The following SPP2 variants were observed in gnomAD, a reference collection of about 807,000 sequenced individuals.
SPP2 encodes secreted phosphoprotein 24.
SPP2 carries 34 observed loss-of-function variants against 28.8 expected under a neutral mutation model. The ratio of observed to expected loss-of-function variants is 1.18; its 90% CI spans 0.90 to 1.57. The LOEUF (loss-of-function observed/expected upper bound fraction) is 1.57, where lower values mean the gene tolerates loss of function less well. SPP2 is among the 40% of genes most tolerant of loss of function. The pLI, the probability that SPP2 is intolerant of heterozygous loss-of-function variation, is 0.00. For synonymous variants in SPP2, 96 were observed against 89.4 expected, an observed-to-expected ratio of 1.07 and a Z score of -0.42; for missense variants, 269 against 263.9, an observed-to-expected ratio of 1.02 and a Z score of -0.13.
chr2:234,066,821 A>G (rs1446041854), intron 5 of SPP2, among the ~76,000 whole-genome samples: 3 of 152,262 alleles, frequency 2.0e-5, no homozygotes, highest in Non-Finnish European at 4.4e-5. Flanking sequence ...TTTTCCATAC[A>G]TAATTCCATT....
intron 7 of SPP2, among the ~76,000 whole-genome samples, chr2:234,073,433 T>G (rs912777548): frequency 2.0e-5 from 3 of 152,208 alleles, no homozygotes; most frequent in Admixed American, 2.0e-4. Flanking sequence ...GGAAGCTCTT[T>G]GAAGGCAGAG....
chr2:234,052,863 G>A (rs1693526572), intron 2 of SPP2, among the ~76,000 whole-genome samples: 1 of 151,962 alleles, frequency 6.6e-6, no homozygotes, highest in Non-Finnish European at 1.5e-5. Context: ...TTTTCTATTG[G>A]GAGTGTTTCA....
In SPP2 at chr2:234,069,999, A is replaced by G; in HGVS notation, c.622A>G (p.Thr208Ala). The change falls in exon 7 of 8, where the codon ACT (threonine) becomes GCT (alanine). Residue 208 changes from threonine (T) to alanine (A), a missense_variant. Transcript: ENST00000168148. The stretch of plus-strand genomic sequence containing the variant: ...CCACCGGCACAGAGCAAGAATAAAT[A>G]CTGACTTTGAGTAACGGCCTTGAGG... ...PNHRHRARIN[T>A]DFE is the part of the protein sequence containing the mutation. The G allele has an allele frequency of 6.2e-7, 1 of 1,613,384 alleles. No individual in the cohort carries two copies.
At chr2:234,054,006 C>T (rs1475874988) in intron 2 of SPP2, among the ~76,000 whole-genome samples, 1 of 152,078 alleles carries the variant, frequency 6.6e-6, no homozygotes, top group South Asian at 2.1e-4. Flanking sequence ...TGGAGAGTAC[C>T]GTAGAGGAGG....
intron 2 of SPP2, among the ~76,000 whole-genome samples, chr2:234,053,873 G>A (rs918075599): frequency 1.3e-5 from 2 of 152,046 alleles, no homozygotes; most frequent in Non-Finnish European, 2.9e-5. Context: ...GTAGGGCTGT[G>A]GTTTCATAGG....
intron 7 of SPP2, among the ~76,000 whole-genome samples, chr2:234,074,032 T>A (rs761218470): frequency 2.0e-5 from 3 of 152,182 alleles, no homozygotes; most frequent in African/African-American, 7.2e-5. Flanking sequence ...AACAATCAAA[T>A]GAAGTTTTAT....
At chr2:234,057,694 C>T (rs1574825166) in intron 2 of SPP2, among the ~76,000 whole-genome samples, 1 of 152,174 alleles carries the variant, frequency 6.6e-6, no homozygotes, top group African/African-American at 2.4e-5. Context: ...CATCAGAACT[C>T]CCCAGATTTG....
chr2:234,061,978 A>G (rs1039736608), intron 4 of SPP2, among the ~76,000 whole-genome samples: 4 of 152,224 alleles, frequency 2.6e-5, no homozygotes, highest in African/African-American at 7.2e-5. Flanking sequence ...TTAGGAAGTC[A>G]AATACATTCT....
chr2:234,062,745 C>A (rs1693745011), intron 4 of SPP2, among the ~76,000 whole-genome samples: 1 of 152,176 alleles, frequency 6.6e-6, no homozygotes, highest in African/African-American at 2.4e-5. Context: ...ACCTTTAACA[C>A]AAAATGAATT....
At position 234,050,862 on chromosome 2, in the gene SPP2, T is replaced by G; in HGVS notation, c.76T>G (p.Ser26Ala). 6.2e-7 allele frequency: 1 copy of G among 1,614,084 alleles called. No homozygotes were observed. Among genetic ancestry groups the G allele is most frequent in the Non-Finnish European group, 8.5e-7 (1 of 1,179,952 alleles). The change falls in exon 1 of 8, where the codon TCT (serine) becomes GCT (alanine). Residue 26 changes from serine (S) to alanine (A), a missense_variant. Physicochemically the swap from Ser to Ala is moderately conservative, Grantham distance 99. Transcript: ENST00000168148. ...IMFALGMNYWSCSGFPVYDYD... is the reference protein window; with the variant it reads ...IMFALGMNYWACSGFPVYDYD... The stretch of plus-strand genomic sequence containing the variant: ...GTTTGCTCTTGGAATGAACTACTGG[T>G]CTTGCTCAGGTAAGGTATTCACCAA...
chr2:234,056,598 T>A (rs1470565964), intron 2 of SPP2, among the ~76,000 whole-genome samples: 5 of 152,230 alleles, frequency 3.3e-5, no homozygotes, highest in Admixed American at 6.5e-5. Context: ...TCAGCTAAGC[T>A]TTTGTGTTGC....
At chr2:234,063,671 T>C (rs1203847967) in intron 4 of SPP2, among the ~76,000 whole-genome samples, 3 of 152,208 alleles carry the variant, frequency 2.0e-5, no homozygotes, top group Non-Finnish European at 2.9e-5. Flanking sequence ...TCACTCAACC[T>C]CGTACTGGTG....
In SPP2 at chr2:234,058,784, C is replaced by CATAAACTTCAGAA. The variant is rs1693658878; in HGVS notation, c.211-49_211-37dup. 3 of 1,573,342 alleles carry CATAAACTTCAGAA rather than the reference C, an allele frequency of 1.9e-6. No individual in the cohort carries two copies. In the South Asian group the frequency reaches 3.6e-5, roughly 19 times the overall value. Reference sequence around the variant, plus strand: ...GGGTAGAGACAATGATTTATAGCATCATAAACTTCAGAAATGCATTGATCA... The same window carrying CATAAACTTCAGAA: ...GGGTAGAGACAATGATTTATAGCATCATAAACTTCAGAAATAAACTTCAGAAATGCATTGATCA... On this transcript the variant is annotated intron_variant, in intron 2 of 7. Transcript: ENST00000168148.
At chr2:234,074,899 G>A (rs149456921) in intron 7 of SPP2, among the ~76,000 whole-genome samples, 68 of 150,482 alleles carry the variant, frequency 4.5e-4, no homozygotes, top group Non-Finnish European at 2.5e-4. Flanking sequence ...CATTTTCTCT[G>A]TAAGGCACAT....
chr2:234,067,633 C>T lies in SPP2; in HGVS notation c.550+359C>T, dbSNP rs372935357. ...TCTACTAAAAATACAACAAATTAGC[C>T]GGGCGTAGTGGTGGGCGCCTGTAGT... On this transcript the variant is annotated intron_variant, in intron 6 of 7. Transcript: ENST00000168148. Among the ~76,000 whole-genome samples the T allele has an allele frequency of 2.9e-4, 44 of 151,934 alleles. No homozygotes were observed. The South Asian group carries it at 7.3e-3, about 25-fold the overall frequency.
At chr2:234,072,331 G>C (rs188287033) in intron 7 of SPP2, among the ~76,000 whole-genome samples, 3 of 152,110 alleles carry the variant, frequency 2.0e-5, no homozygotes, top group African/African-American at 7.2e-5. Context: ...CTGAGATCAA[G>C]AATCTACTCA....
At chr2:234,069,526 T>C (rs1175975830) in intron 6 of SPP2, among the ~76,000 whole-genome samples, 1 of 152,216 alleles carries the variant, frequency 6.6e-6, no homozygotes, top group Non-Finnish European at 1.5e-5. Context: ...GGGAGCATCA[T>C]TGACACAGAA....
chr2:234,066,098 T>A (rs1693812687), intron 4 of SPP2, among the ~76,000 whole-genome samples: 1 of 152,168 alleles, frequency 6.6e-6, no homozygotes, highest in Non-Finnish European at 1.5e-5. Flanking sequence ...AGCAACCACT[T>A]TACTTTGTGA....
intron 6 of SPP2, 40 bp from the exon 7 acceptor site, chr2:234,069,888 T>G: frequency 6.8e-7 from 1 of 1,479,720 alleles, no homozygotes; most frequent in Non-Finnish European, 9.4e-7. Flanking sequence ...CAGATCTTGA[T>G]GTGACTGACA....
Sources: allele counts gnomAD v4.1 joint callset (sites outside exome capture counted in the v4.1 genomes callset), GRCh38; gene constraint gnomAD v4.1.1; transcripts MANE v1.5; gene names NCBI Gene and HGNC (gene_info 2026-07-23, HGNC 2026-07-21).